Variants in TLK1 observed in about 807,000 individuals in gnomAD.
The protein encoded by TLK1 is serine/threonine-protein kinase tousled-like 1.
TLK1 carries 24 observed loss-of-function variants against 105.3 expected under a neutral mutation model. That is an observed-to-expected ratio of 0.23 (90% CI 0.17 to 0.32). The LOEUF is 0.32. Among genes scored for constraint, TLK1 ranks in the 10% least tolerant of loss-of-function variants. TLK1 has a pLI of 1.00. For missense variants in TLK1, 558 were observed against 910.5 expected (o/e 0.61, Z 4.98); for synonymous variants, 321 against 310.4 (o/e 1.03, Z -0.36).
At chr2:171,029,124 C>T (rs1188376677) in intron 11 of TLK1, among the ~76,000 whole-genome samples, 1 of 152,086 alleles carries the variant, frequency 6.6e-6, no homozygotes, top group Non-Finnish European at 1.5e-5. Context: ...GTAGGAGAAG[C>T]AAGCTGGGGA....
intron 1 of TLK1, among the ~76,000 whole-genome samples, chr2:171,185,737 C>T (rs182852022): frequency 7.9e-5 from 12 of 152,190 alleles, no homozygotes; most frequent in African/African-American, 1.4e-4. Flanking sequence ...TTCTAGCATA[C>T]GCTTTTACAT....
intron 18 of TLK1, among the ~76,000 whole-genome samples, chr2:171,000,376 CAAAAA>C (rs34800888): frequency 3.8e-5 from 3 of 78,348 alleles, no homozygotes; most frequent in African/African-American, 9.9e-5. Flanking sequence ...GAAACTCTGT[CAAAAA>C]AAAAAAAAAA....
At chr2:171,197,888 C>G (rs1004928060) in intron 1 of TLK1, among the ~76,000 whole-genome samples, 3 of 152,118 alleles carry the variant, frequency 2.0e-5, no homozygotes, top group Non-Finnish European at 4.4e-5. Flanking sequence ...TGTGGGGTAA[C>G]TAGGGGTTCC....
rs549688241 is a variant in TLK1 at position 171,028,047 on chromosome 2, C to T, written c.1236+292G>A. On this transcript the variant is annotated intron_variant, in intron 12 of 20. Transcript: ENST00000431350. ...ATGTGGTGGCGCATGCCTGTAATCC[C>T]AGCTACTCAGGAGGCTGAAGCACGA... Among the ~76,000 whole-genome samples the T allele has an allele frequency of 1.7e-3, 264 of 152,256 alleles. 2 individuals carry two copies. Among genetic ancestry groups the T allele is most frequent in the African/African-American group, 6.1e-3 (255 of 41,552 alleles).
At position 171,049,939 on chromosome 2, in the gene TLK1, T is replaced by C. The variant is rs1480212083; in HGVS notation, c.855A>G (p.Glu285=). The C allele has an allele frequency of 6.2e-7, 1 of 1,610,566 alleles. No homozygotes were observed. Among genetic ancestry groups the C allele is most frequent in the East Asian group, 2.2e-5 (1 of 44,788 alleles). The change falls in exon 10 of 21, where the codon GAA becomes GAG. Residue 285 remains glutamate (E), a synonymous_variant. Coordinates refer to ENST00000431350, the MANE Select transcript of TLK1 (RefSeq NM_012290.5). ...TACTCTTCTCTCTGCTTGACAGCTT[T>C]TCTTGTGTACTCTGAAAAGGAGAAA... ...KKLLIEKSTQ[E]KLSSREKSMQ...
chr2:171,059,622 G>C (rs553885028), intron 4 of TLK1, among the ~76,000 whole-genome samples: 2 of 152,044 alleles, frequency 1.3e-5, no homozygotes, highest in Non-Finnish European at 2.9e-5. Flanking sequence ...AACTAGTTTT[G>C]GAATGGACAT....
intron 1 of TLK1, among the ~76,000 whole-genome samples, chr2:171,157,450 G>A (rs1334545657): frequency 6.6e-6 from 1 of 152,144 alleles, no homozygotes; most frequent in Non-Finnish European, 1.5e-5. Flanking sequence ...GAGCTACATC[G>A]CTGAACTCCT....
chr2:171,117,248 A>G (rs933586719), intron 2 of TLK1, among the ~76,000 whole-genome samples: 8 of 152,158 alleles, frequency 5.3e-5, no homozygotes, highest in Non-Finnish European at 8.8e-5. Flanking sequence ...TCATGCTCCT[A>G]TGAGAATCTA....
chr2:171,172,351 CA>C (rs1290916251), intron 1 of TLK1, among the ~76,000 whole-genome samples: 1 of 152,164 alleles, frequency 6.6e-6, no homozygotes, highest in Non-Finnish European at 1.5e-5. Flanking sequence ...GGAAATTCAT[CA>C]AGCTATATAC....
chr2:171,080,413 G>A (rs1224484619), intron 3 of TLK1, among the ~76,000 whole-genome samples: 3 of 151,336 alleles, frequency 2.0e-5, no homozygotes, highest in African/African-American at 7.3e-5. Flanking sequence ...TTTACTTAAT[G>A]ATCTATAAAT....
intron 1 of TLK1, among the ~76,000 whole-genome samples, chr2:171,189,224 T>C (rs1270958218): frequency 7.3e-5 from 11 of 150,094 alleles, no homozygotes; most frequent in Admixed American, 6.7e-4. Flanking sequence ...TAGAGTGCAA[T>C]GGCACAATCT....
At position 170,993,778 on chromosome 2, in the gene TLK1, A is replaced by T; in HGVS notation, c.*2T>A. On this transcript the variant is annotated 3_prime_UTR_variant, in exon 21 of 21. Coordinates refer to ENST00000431350, the MANE Select transcript of TLK1 (RefSeq NM_012290.5). Reference sequence around the variant, plus strand: ...AGATATCATGCCAATCTTGGAGGAAAGTCAGTAAGTAATTATGCTTGAAGA... The same window carrying T: ...AGATATCATGCCAATCTTGGAGGAATGTCAGTAAGTAATTATGCTTGAAGA... The T allele has an allele frequency of 6.4e-7, 1 of 1,558,718 alleles. No individual in the cohort carries two copies.
chr2:170,996,805 T>C (rs1270512523), intron 19 of TLK1, 45 bp from the exon 20 acceptor site: 1 of 1,496,960 alleles, frequency 6.7e-7, no homozygotes, highest in Non-Finnish European at 9.1e-7. Context: ...TCACAAAATA[T>C]TTAAACACAG....
chr2:171,009,814 T>C (rs539091648), intron 14 of TLK1, among the ~76,000 whole-genome samples: 5 of 152,330 alleles, frequency 3.3e-5, no homozygotes, highest in Admixed American at 3.3e-4. Context: ...CCTAGCTGTC[T>C]GGCTTCAGAA....
intron 2 of TLK1, among the ~76,000 whole-genome samples, chr2:171,084,502 T>C (rs1298950746): frequency 6.6e-6 from 1 of 152,184 alleles, no homozygotes; most frequent in Non-Finnish European, 1.5e-5. Flanking sequence ...GCCACAGTTT[T>C]GAAGCGTGCC....
At chr2:171,215,871 A>G (rs1431890474) in intron 1 of TLK1, among the ~76,000 whole-genome samples, 3 of 152,120 alleles carry the variant, frequency 2.0e-5, no homozygotes, top group African/African-American at 7.2e-5. Flanking sequence ...CAATATGCGC[A>G]CCACCACCCC....
chr2:171,122,302 C>T (rs1312342232), intron 1 of TLK1, among the ~76,000 whole-genome samples: 2 of 152,098 alleles, frequency 1.3e-5, no homozygotes, highest in Non-Finnish European at 2.9e-5. Context: ...ACTCAAGAGC[C>T]CCTGGTGTAA....
chr2:171,041,096 G>GT (rs995046944), intron 11 of TLK1, among the ~76,000 whole-genome samples: 45 of 152,136 alleles, frequency 3.0e-4, no homozygotes, highest in African/African-American at 9.9e-4. Context: ...GAAAATCAAT[G>GT]TAAGTGTCAA....
At chr2:171,222,796 T>G (rs1231193650) in intron 1 of TLK1, among the ~76,000 whole-genome samples, 1 of 149,848 alleles carries the variant, frequency 6.7e-6, no homozygotes, top group Non-Finnish European at 1.5e-5. Flanking sequence ...ATATAAATTA[T>G]TAACTATAGT....
Sources: allele counts gnomAD v4.1 joint callset (sites outside exome capture counted in the v4.1 genomes callset), GRCh38; gene constraint gnomAD v4.1.1; transcripts MANE v1.5; gene names NCBI Gene and HGNC (gene_info 2026-07-23, HGNC 2026-07-21).